Variants in GNG7 observed in about 807,000 individuals in gnomAD.
The protein encoded by GNG7 is G protein subunit gamma 7.
In GNG7, 1 loss-of-function variant was observed where a neutral mutation model predicts 4.0. The ratio of observed to expected loss-of-function variants is 0.25; its 90% confidence interval spans 0.09 to 1.18. The LOEUF (loss-of-function observed/expected upper bound fraction) is 1.18. Ranked by LOEUF, GNG7 falls within the 50% of genes most tolerant of loss-of-function variation. The pLI is 0.50. For missense variants in GNG7, 86 were observed against 91.9 expected (o/e 0.94, Z 0.26); for synonymous variants, 34 against 36.9 (o/e 0.92, Z 0.29).
chr19:2,568,248 T>C (rs576841889), intron 2 of GNG7, among the ~76,000 whole-genome samples: 99 of 147,544 alleles, frequency 6.7e-4, no homozygotes, highest in African/African-American at 1.9e-3. Context: ...TACACACATA[T>C]AGACATACAC....
chr19:2,637,972 A>G (rs1184878139), intron 2 of GNG7, among the ~76,000 whole-genome samples: 3 of 151,912 alleles, frequency 2.0e-5, no homozygotes, highest in African/African-American at 7.3e-5. Flanking sequence ...GAGAGAGGAG[A>G]TGAATCCCAG....
chr19:2,599,792 C>G (rs1325917433), intron 2 of GNG7, among the ~76,000 whole-genome samples: 1 of 151,882 alleles, frequency 6.6e-6, no homozygotes, highest in African/African-American at 2.4e-5. Flanking sequence ...CAAAAATTAG[C>G]CGGGGGTGGT....
chr19:2,648,212 C>A (rs1259084698), intron 1 of GNG7, among the ~76,000 whole-genome samples: 1 of 151,654 alleles, frequency 6.6e-6, no homozygotes, highest in Non-Finnish European at 1.5e-5. Context: ...CATAGCAAGA[C>A]CCCATCTGCC....
At chr19:2,627,371 C>G (rs1436919873) in intron 2 of GNG7, among the ~76,000 whole-genome samples, 2 of 152,190 alleles carry the variant, frequency 1.3e-5, no homozygotes, top group Admixed American at 1.3e-4. Context: ...AACCCACCCC[C>G]TGCATGGCTC....
intron 2 of GNG7, chr19:2,610,430 C>T (rs1019841553): frequency 1.3e-5 from 2 of 151,948 alleles, no homozygotes; most frequent in African/African-American, 4.8e-5. Flanking sequence ...TCATTGCAAC[C>T]TCTGCCTCCT....
intron 1 of GNG7, among the ~76,000 whole-genome samples, chr19:2,701,982 A>T (rs536191650): frequency 1.5e-5 from 2 of 134,798 alleles, no homozygotes; most frequent in East Asian, 4.9e-4. Flanking sequence ...CTGCGACTCT[A>T]GCCCCCTCCC....
intron 3 of GNG7, among the ~76,000 whole-genome samples, chr19:2,554,562 T>A (rs140925547): frequency 0.16 from 22,105 of 140,324 alleles, 1,855 homozygotes; most frequent in East Asian, 0.34. Context: ...TATATATATT[T>A]TTTTTTTTTT....
At chr19:2,565,967 G>A (rs1244080484) in intron 2 of GNG7, among the ~76,000 whole-genome samples, 5 of 152,100 alleles carry the variant, frequency 3.3e-5, no homozygotes, top group African/African-American at 9.7e-5. Flanking sequence ...AGACCAGCCT[G>A]GCCAACATGG....
intron 2 of GNG7, among the ~76,000 whole-genome samples, chr19:2,577,700 CAAAAAAA>C (rs58623953): frequency 1.3e-4 from 14 of 108,378 alleles, no homozygotes; most frequent in African/African-American, 1.4e-4. Context: ...GATTCCATCT[CAAAAAAA>C]AAAAAAAAAA....
intron 2 of GNG7, among the ~76,000 whole-genome samples, chr19:2,598,746 CAA>C (rs1261811594): frequency 6.6e-6 from 1 of 150,742 alleles, no homozygotes; most frequent in African/African-American, 2.4e-5. Flanking sequence ...CATCTTCCGT[CAA>C]AAGAATCAGA....
chr19:2,526,990 C>A (rs1016344869), intron 3 of GNG7, among the ~76,000 whole-genome samples: 2 of 152,046 alleles, frequency 1.3e-5, no homozygotes, highest in East Asian at 3.9e-4. Context: ...GGACTACAGG[C>A]GCGCGCCACC....
rs36015482 is a variant in GNG7 at position 2,594,405 on chromosome 19, G to GGGAAGGAAGGAAGGAAGGAAGGAA, written c.-77-39241_-77-39218dup. Reference sequence around the variant, plus strand: ...AAAGAAAGAAGGAAAGAAAGAAGGAGGGAAGGAAGGAAGGAAGGAAGGAAG... The same window carrying GGGAAGGAAGGAAGGAAGGAAGGAA: ...AAAGAAAGAAGGAAAGAAAGAAGGAGGGAAGGAAGGAAGGAAGGAAGGAAGGAAGGAAGGAAGGAAGGAAGGAAG... On this transcript the variant is annotated intron_variant, in intron 2 of 4. Coordinates refer to ENST00000382159, the MANE Select transcript of GNG7 (RefSeq NM_052847.3). Among the ~76,000 whole-genome samples the GGGAAGGAAGGAAGGAAGGAAGGAA allele has an allele frequency of 8.8e-4, 121 of 136,864 alleles. 1 individual carries two copies. Among genetic ancestry groups the GGGAAGGAAGGAAGGAAGGAAGGAA allele is most frequent in the African/African-American group, 2.9e-3 (102 of 34,868 alleles). 89.8% of individuals were successfully genotyped at this position (136,864 alleles called of 152,430 possible).
At chr19:2,593,660 C>T (rs1160294210) in intron 2 of GNG7, among the ~76,000 whole-genome samples, 1 of 151,688 alleles carries the variant, frequency 6.6e-6, no homozygotes, top group African/African-American at 2.4e-5. Flanking sequence ...AGGAGAATCG[C>T]TTGAACCTGG....
intron 1 of GNG7, among the ~76,000 whole-genome samples, chr19:2,664,976 C>T (rs1291171440): frequency 6.6e-6 from 1 of 151,950 alleles, no homozygotes; most frequent in Non-Finnish European, 1.5e-5. Flanking sequence ...GGAAATTCCA[C>T]GGACCCCCAA....
chr19:2,553,248 C>T (rs1979393539), intron 3 of GNG7, among the ~76,000 whole-genome samples: 1 of 150,810 alleles, frequency 6.6e-6, no homozygotes, highest in Non-Finnish European at 1.5e-5. Flanking sequence ...GCATTATGAA[C>T]CAGTGTGTGA....
chr19:2,658,169 G>A (rs1459898803), intron 1 of GNG7, among the ~76,000 whole-genome samples: 2 of 152,002 alleles, frequency 1.3e-5, no homozygotes, highest in Non-Finnish European at 2.9e-5. Flanking sequence ...TCCACACACG[G>A]GGAGAAAAAC....
At chr19:2,573,800 G>A (rs543441331) in intron 2 of GNG7, among the ~76,000 whole-genome samples, 116 of 152,176 alleles carry the variant, frequency 7.6e-4, no homozygotes, top group Middle Eastern at 3.4e-3. Context: ...CCGAGATCAC[G>A]CCACTGCACT....
chr19:2,675,552 G>A (rs562372844), intron 1 of GNG7, among the ~76,000 whole-genome samples: 1 of 152,324 alleles, frequency 6.6e-6, no homozygotes, highest in East Asian at 1.9e-4. Flanking sequence ...CCTCTGCAGA[G>A]GACAGTTCTG....
intron 1 of GNG7, among the ~76,000 whole-genome samples, chr19:2,684,512 C>T (rs1046332436): frequency 1.3e-5 from 2 of 152,062 alleles, no homozygotes; most frequent in African/African-American, 2.4e-5. Flanking sequence ...ATCAACGTAG[C>T]GTGGTCCATA....
Sources: gnomAD v4.1 joint callset for allele counts (sites outside exome capture counted in the v4.1 genomes callset) on GRCh38, gnomAD v4.1.1 for gene constraint, MANE v1.5 for transcripts, NCBI Gene and HGNC (gene_info 2026-07-23, HGNC 2026-07-21) for gene names.